The following PDCD6IP variants were observed in gnomAD, a reference collection of about 807,000 sequenced individuals.
PDCD6IP encodes programmed cell death 6-interacting protein.
In PDCD6IP, 43 loss-of-function variants were observed where a neutral mutation model predicts 103.7. That is an observed-to-expected ratio of 0.41 (90% CI 0.32 to 0.53). The LOEUF (loss-of-function observed/expected upper bound fraction) is 0.53, where lower values mean the gene tolerates loss of function less well. PDCD6IP is among the 20% of genes least tolerant of loss of function. The probability of loss-of-function intolerance (pLI) is 0.16; values close to 1 mark genes in which losing one functional copy is unlikely to be tolerated. For synonymous variants in PDCD6IP, 354 were observed against 378.7 expected (o/e 0.93, Z 0.76); for missense variants, 871 against 1,036.7 (o/e 0.84, Z 2.20).
intron 3 of PDCD6IP, among the ~76,000 whole-genome samples, chr3:33,818,622 G>C (rs981331661): frequency 1.4e-5 from 2 of 147,576 alleles, no homozygotes; most frequent in Non-Finnish European, 3.0e-5. Context: ...AGGTTCAAGC[G>C]ATTATCCTGC....
intron 7 of PDCD6IP, among the ~76,000 whole-genome samples, chr3:33,832,578 G>C (rs1479684933): frequency 3.3e-5 from 5 of 152,102 alleles, no homozygotes; most frequent in Non-Finnish European, 5.9e-5. Flanking sequence ...CAAATGGCTA[G>C]CCCATTGTCC....
chr3:33,850,751 T>C (rs895448126), intron 12 of PDCD6IP, among the ~76,000 whole-genome samples: 1 of 152,164 alleles, frequency 6.6e-6, no homozygotes, highest in African/African-American at 2.4e-5. Context: ...AAACAGACTT[T>C]GTCATATCCA....
At chr3:33,816,072 C>T (rs1426320710) in intron 3 of PDCD6IP, among the ~76,000 whole-genome samples, 1 of 152,034 alleles carries the variant, frequency 6.6e-6, no homozygotes, top group African/African-American at 2.4e-5. Flanking sequence ...GTGATGTGGT[C>T]CAGTGGTTCC....
intron 12 of PDCD6IP, among the ~76,000 whole-genome samples, chr3:33,846,236 ACTT>A (rs1697589491): frequency 6.6e-6 from 1 of 152,182 alleles, no homozygotes; most frequent in Non-Finnish European, 1.5e-5. Flanking sequence ...ACTGCTGAAA[ACTT>A]CTTGAAAAAA....
intron 1 of PDCD6IP, among the ~76,000 whole-genome samples, chr3:33,808,200 A>G (rs1401405268): frequency 1.3e-5 from 2 of 152,236 alleles, no homozygotes; most frequent in Admixed American, 1.3e-4. Flanking sequence ...AAATTGTGTT[A>G]AATCCTATGA....
chr3:33,859,919 CAA>C (rs1243941739), intron 15 of PDCD6IP, among the ~76,000 whole-genome samples: 1 of 152,044 alleles, frequency 6.6e-6, no homozygotes, highest in African/African-American at 2.4e-5. Context: ...AAAGTAGAAA[CAA>C]AGTGACCAGG....
intron 8 of PDCD6IP, among the ~76,000 whole-genome samples, chr3:33,837,707 G>C (rs2125563780): frequency 6.6e-6 from 1 of 152,038 alleles, no homozygotes; most frequent in African/African-American, 2.4e-5. Context: ...TCCTGCCTCA[G>C]CCTCCCCAGT....
chr3:33,807,951 C>G (rs1466958826), intron 1 of PDCD6IP, among the ~76,000 whole-genome samples: 3 of 152,236 alleles, frequency 2.0e-5, no homozygotes, highest in African/African-American at 7.2e-5. Context: ...TTGCCTCAGA[C>G]CTTTAGCACT....
chr3:33,865,997 G>A (rs1698055032), intron 17 of PDCD6IP, among the ~76,000 whole-genome samples: 1 of 152,158 alleles, frequency 6.6e-6, no homozygotes. Context: ...GTATATCACA[G>A]TGAATATTGA....
intron 9 of PDCD6IP, among the ~76,000 whole-genome samples, chr3:33,840,960 G>C (rs1279263255): frequency 1.3e-5 from 2 of 151,708 alleles, no homozygotes; most frequent in Non-Finnish European, 2.9e-5. Flanking sequence ...ACTGAAAGAA[G>C]TTTGAACTGT....
intron 12 of PDCD6IP, among the ~76,000 whole-genome samples, chr3:33,847,602 T>C (rs1284573775): frequency 6.6e-6 from 1 of 152,206 alleles, no homozygotes; most frequent in Non-Finnish European, 1.5e-5. Context: ...AATGTACATG[T>C]TTTATTAAAA....
At chr3:33,805,706 A>G (rs1696580652) in intron 1 of PDCD6IP, among the ~76,000 whole-genome samples, 1 of 150,572 alleles carries the variant, frequency 6.6e-6, no homozygotes, top group Non-Finnish European at 1.5e-5. Flanking sequence ...GGTGTGAGCC[A>G]CCATACCTGG....
At chr3:33,847,919 G>A (rs1398380074) in intron 12 of PDCD6IP, among the ~76,000 whole-genome samples, 1 of 151,920 alleles carries the variant, frequency 6.6e-6, no homozygotes, top group Non-Finnish European at 1.5e-5. Context: ...TTTTGCACAA[G>A]GTTGATGTTC....
chr3:33,831,760 GAC>G (rs1299615160), intron 7 of PDCD6IP, among the ~76,000 whole-genome samples: 1 of 139,984 alleles, frequency 7.1e-6, no homozygotes, highest in Non-Finnish European at 1.5e-5. Flanking sequence ...TATATACATA[GAC>G]AGCACACACA....
At chr3:33,865,163 A>G (rs964632853) in intron 16 of PDCD6IP, 80 bp from the exon 17 acceptor site, 11 of 962,950 alleles carry the variant, frequency 1.1e-5, no homozygotes, top group South Asian at 2.0e-5. Context: ...AGTTTCTCAT[A>G]TGTCCTTATT....
intron 3 of PDCD6IP, among the ~76,000 whole-genome samples, chr3:33,817,813 A>G (rs1381260900): frequency 6.6e-6 from 1 of 152,090 alleles, no homozygotes; most frequent in East Asian, 1.9e-4. Context: ...ACAAGAATAC[A>G]GTTAAATACT....
intron 12 of PDCD6IP, among the ~76,000 whole-genome samples, chr3:33,848,015 G>T (rs1179605615): frequency 6.6e-6 from 1 of 152,158 alleles, no homozygotes; most frequent in Non-Finnish European, 1.5e-5. Flanking sequence ...TACAGGTAGA[G>T]CATAAAGAGA....
At chr3:33,806,461 T>C (rs551861927) in intron 1 of PDCD6IP, among the ~76,000 whole-genome samples, 2 of 152,344 alleles carry the variant, frequency 1.3e-5, no homozygotes, top group African/African-American at 4.8e-5. Context: ...ACCTTTTAAA[T>C]ATATTTGGGA....
In PDCD6IP at chr3:33,820,822, T is replaced by C. The variant is rs574338418; in HGVS notation, c.335-1133T>C. ...TCAGATCACAGACACTTGGGTTGCTTTCATGTTTGGCTTTGTGAATAATGC... is the reference window on the plus strand; with the variant it reads ...TCAGATCACAGACACTTGGGTTGCTCTCATGTTTGGCTTTGTGAATAATGC... On this transcript the variant is annotated intron_variant, in intron 3 of 17. Coordinates refer to ENST00000307296, the MANE Select transcript of PDCD6IP (RefSeq NM_013374.6). Among the ~76,000 whole-genome samples, 3 of 152,344 alleles carry C rather than the reference T, an allele frequency of 2.0e-5. No individual in the cohort carries two copies. The East Asian group carries it at 5.8e-4, about 29-fold the overall frequency.
Sources: gnomAD v4.1 joint callset for allele counts (sites outside exome capture counted in the v4.1 genomes callset) on GRCh38, gnomAD v4.1.1 for gene constraint, MANE v1.5 for transcripts, NCBI Gene and HGNC (gene_info 2026-07-23, HGNC 2026-07-21) for gene names.